The following WDR27 variants were observed in gnomAD, a reference collection of about 807,000 sequenced individuals.
The protein encoded by WDR27 is WD repeat domain 27, also known as WD repeat-containing protein 27.
WDR27 carries 100 observed loss-of-function variants against 114.4 expected under a neutral mutation model. The ratio of observed to expected loss-of-function variants is 0.87; its 90% CI spans 0.74 to 1.03. The LOEUF (loss-of-function observed/expected upper bound fraction) is 1.03. WDR27 is among the 50% of genes least tolerant of loss of function. The probability of loss-of-function intolerance (pLI) is 0.00; values close to 1 mark genes in which losing one functional copy is unlikely to be tolerated. For missense variants in WDR27, 1,129 were observed against 1,092.9 expected (o/e 1.03, Z -0.47); for synonymous variants, 449 against 423.1 (o/e 1.06, Z -0.75).
chr6:169,649,583 T>A (rs1031524885), intron 14 of WDR27, among the ~76,000 whole-genome samples: 6 of 152,000 alleles, frequency 3.9e-5, no homozygotes, highest in Admixed American at 2.6e-4. Flanking sequence ...GGGCCACCAA[T>A]GTCTATCAAC....
At chr6:169,648,345 A>T (rs1208160934) in intron 15 of WDR27, among the ~76,000 whole-genome samples, 2 of 152,204 alleles carry the variant, frequency 1.3e-5, no homozygotes, top group Non-Finnish European at 2.9e-5. Context: ...ACTGCTACCC[A>T]GCAGCTCCCA....
intron 1 of WDR27, among the ~76,000 whole-genome samples, chr6:169,696,534 G>C (rs1786047760): frequency 1.3e-5 from 2 of 152,240 alleles, no homozygotes; most frequent in African/African-American, 4.8e-5. Context: ...TTTGGGGTCA[G>C]AGAGCCCACG....
intron 24 of WDR27, among the ~76,000 whole-genome samples, chr6:169,580,193 C>A (rs1584360972): frequency 6.6e-6 from 1 of 152,188 alleles, no homozygotes. Flanking sequence ...TGCTTAGGAG[C>A]ATACTATCTT....
At chr6:169,475,049 C>A (rs1299439580) in intron 25 of WDR27, among the ~76,000 whole-genome samples, 4 of 152,180 alleles carry the variant, frequency 2.6e-5, no homozygotes, top group Non-Finnish European at 5.9e-5. Context: ...CCACTTTAAA[C>A]CTTACTGTCA....
intron 24 of WDR27, among the ~76,000 whole-genome samples, chr6:169,581,899 C>A (rs1444172716): frequency 6.6e-6 from 1 of 152,374 alleles, no homozygotes; most frequent in South Asian, 2.1e-4. Flanking sequence ...ACGCTATTCT[C>A]TGAATCAAAG....
the WDR27 span, among the ~76,000 whole-genome samples, chr6:169,444,953 ATCCCTTACCTGT>A: frequency 1.2e-4 from 19 of 152,268 alleles, no homozygotes; most frequent in Non-Finnish European, 2.1e-4. Context: ...GGACAATACT[ATCCCTTACCTGT>A]AAGCTCAGGG....
chr6:169,661,590 C>A (rs1826130246), intron 9 of WDR27, among the ~76,000 whole-genome samples: 1 of 152,200 alleles, frequency 6.6e-6, no homozygotes, highest in African/African-American at 2.4e-5. Context: ...GTGGCTCTGG[C>A]TTAGCTCTGA....
chr6:169,515,611 AT>A (rs993533621), intron 25 of WDR27, among the ~76,000 whole-genome samples: 8 of 152,102 alleles, frequency 5.3e-5, no homozygotes, highest in African/African-American at 1.9e-4. Flanking sequence ...TAAAATCATA[AT>A]TTGGTAATTG....
chr6:169,468,762 C>T (rs781699762), intron 25 of WDR27, among the ~76,000 whole-genome samples: 4 of 152,140 alleles, frequency 2.6e-5, no homozygotes, highest in Non-Finnish European at 5.9e-5. Context: ...GCTGCCATAA[C>T]AAAATAACAT....
chr6:169,623,554 A>G (rs1421082324), intron 21 of WDR27, among the ~76,000 whole-genome samples: 1 of 152,174 alleles, frequency 6.6e-6, no homozygotes, highest in African/African-American at 2.4e-5. Context: ...GGCTTCACAC[A>G]GAAGTCACAG....
chr6:169,624,553 T>G (rs1333559067), intron 21 of WDR27, among the ~76,000 whole-genome samples: 2 of 152,154 alleles, frequency 1.3e-5, no homozygotes, highest in African/African-American at 4.8e-5. Flanking sequence ...GCCAGGGACA[T>G]GCAGGACCTA....
intron 25 of WDR27, among the ~76,000 whole-genome samples, chr6:169,548,315 A>G (rs1369747914): frequency 6.6e-6 from 1 of 152,222 alleles, no homozygotes; most frequent in East Asian, 1.9e-4. Context: ...TATTTTGTGT[A>G]TATCAACAAA....
At chr6:169,654,719 A>AGGCGCGCACAGG (rs1562828568) in intron 13 of WDR27, among the ~76,000 whole-genome samples, 5 of 123,458 alleles carry the variant, frequency 4.0e-5, no homozygotes, top group African/African-American at 9.6e-5. Context: ...CGCACAGGAG[A>AGGCGCGCACAGG]AGGAGGCGCG....
chr6:169,657,611 A>C (rs1824599525), intron 13 of WDR27: 1 of 152,392 alleles, frequency 6.6e-6, no homozygotes, highest in African/African-American at 2.4e-5. Context: ...CTGGTCACTG[A>C]AGGGAAAAAA....
intron 25 of WDR27, among the ~76,000 whole-genome samples, chr6:169,459,828 A>G (rs974579260): frequency 4.6e-5 from 7 of 152,154 alleles, no homozygotes; most frequent in African/African-American, 1.7e-4. Context: ...AAAACCCCCA[A>G]AAAACTCTCA....
At chr6:169,447,565 T>C in the WDR27 span, among the ~76,000 whole-genome samples, 2 of 152,228 alleles carry the variant, frequency 1.3e-5, no homozygotes, top group African/African-American at 4.8e-5. Flanking sequence ...ATAAGGAGAC[T>C]CTGTGATTAC....
intron 13 of WDR27, among the ~76,000 whole-genome samples, chr6:169,654,659 A>C (rs1176364658): frequency 6.6e-6 from 1 of 152,096 alleles, no homozygotes; most frequent in African/African-American, 2.4e-5. Flanking sequence ...TTTGCTGCAA[A>C]GCGAAAGCAC....
intron 25 of WDR27, among the ~76,000 whole-genome samples, chr6:169,459,440 TG>T (rs1784653540): frequency 6.6e-6 from 1 of 152,008 alleles, no homozygotes. Context: ...AAAGGGAATG[TG>T]GGACACCATC....
Position 169,668,219 on chromosome 6 carries a change from C to A in WDR27, c.457-34G>T. On this transcript the variant is annotated intron_variant, in intron 4 of 25. Coordinates refer to ENST00000448612, the MANE Select transcript of WDR27 (RefSeq NM_182552.5). ...ATAAAGCCCAAATTATTCCTCTGTT[C>A]AAGCTGGAATTCTCTGTATATAAAC... 3 of 1,607,228 alleles carry A rather than the reference C, an allele frequency of 1.9e-6. No homozygotes were observed. The South Asian group carries it at 3.3e-5, about 18-fold the overall frequency.
Sources: allele counts gnomAD v4.1 joint callset (sites outside exome capture counted in the v4.1 genomes callset), GRCh38; gene constraint gnomAD v4.1.1; transcripts MANE v1.5; gene names NCBI Gene and HGNC (gene_info 2026-07-23, HGNC 2026-07-21).